The following RASIP1 variants were observed in gnomAD, a reference collection of about 807,000 sequenced individuals.
RASIP1 encodes the protein Ras interacting protein 1.
In RASIP1, 20 loss-of-function variants were observed where a neutral mutation model predicts 85.3. The ratio of observed to expected loss-of-function variants is 0.23; its 90% confidence interval spans 0.17 to 0.34. The LOEUF is 0.34. Ranked by LOEUF, RASIP1 falls within the 10% of genes least tolerant of loss-of-function variation. The pLI, the probability that RASIP1 is intolerant of heterozygous loss-of-function variation, is 1.00. For synonymous variants in RASIP1, 617 were observed against 647.1 expected (o/e 0.95, Z 0.71); for missense variants, 1,170 against 1,390.9 (o/e 0.84, Z 2.53).
At position 48,729,073 on chromosome 19, in the gene RASIP1, C is replaced by T. The variant is rs762141914; in HGVS notation, c.1697G>A (p.Gly566Asp). 4 of 1,380,518 alleles carry T rather than the reference C, an allele frequency of 2.9e-6. No individual in the cohort carries two copies. In the Middle Eastern group the frequency reaches 7.3e-4, roughly 254 times the overall value. 85.5% of individuals were successfully genotyped at this position (1,380,518 alleles called of 1,614,324 possible). The stretch of plus-strand genomic sequence containing the variant: ...CCCGAGGGGCGGCAGGTCTCCCGAG[C>T]CGGCGGCTGCGGCGCGCACGATCTC... The part of the protein sequence containing the change: ...LGEIVRAAAA[G>D]SGDLPPLGPA... Residue 566 changes from glycine (G) to aspartate (D), a missense_variant, in exon 5 of 12, where the codon GGC becomes GAC. Physicochemically the swap from Gly to Asp is moderately conservative, Grantham distance 94. Around this residue, in one of 4 missense-constraint regions of RASIP1, gnomAD observed 426 missense variants for 576.2 expected, o/e 0.74. Coordinates refer to ENST00000222145, the MANE Select transcript of RASIP1 (RefSeq NM_017805.3).
intron 11 of RASIP1, among the ~76,000 whole-genome samples, chr19:48,721,493 A>G (rs1439913025): frequency 6.6e-6 from 1 of 152,028 alleles, no homozygotes; most frequent in East Asian, 1.9e-4. Context: ...GAGACTGGGG[A>G]TCTGGACTCC....
At position 48,724,998 on chromosome 19, in the gene RASIP1, A is replaced by G; in HGVS notation, c.2128-38T>C. 2 of 1,598,720 alleles carry G rather than the reference A, an allele frequency of 1.3e-6. No homozygotes were observed. The highest frequency in any genetic ancestry group is 1.1e-5 in the South Asian group (1 of 90,074). ...AGAAGTGGAAACAAGTGATTGGACT[A>G]CAACTCCCAGGAAGCTTCAGGGTAA... On this transcript the variant is annotated intron_variant, in intron 8 of 11. Coordinates refer to ENST00000222145, the MANE Select transcript of RASIP1 (RefSeq NM_017805.3). The surrounding 1 kb of genome is among the most constrained non-coding windows in gnomAD (Gnocchi z 4.6).
intron 5 of RASIP1, 24 bp from the exon 6 acceptor site, chr19:48,727,454 C>T (rs1179652327): frequency 6.2e-7 from 1 of 1,611,896 alleles, no homozygotes; most frequent in Non-Finnish European, 8.5e-7. Context: ...AGATCAGAAT[C>T]AAGGTGAGGG....
In RASIP1 at chr19:48,738,979, GA is replaced by G; in HGVS notation, c.803del (p.Phe268SerfsTer102). On this transcript the variant is annotated frameshift_variant, in exon 3 of 12. Coordinates refer to ENST00000222145, the MANE Select transcript of RASIP1 (RefSeq NM_017805.3). LOFTEE classifies it high-confidence loss of function. This position sits in a 1 kb window ranked among gnomAD's most constrained non-coding sequence, Gnocchi z 4.0. ...GCTCACCTTCGCTGTCCGCGGCCCC[GA>G]AGGCCTCCTGCTCCAGGCGCCGCGC... ...EEARRLEQEA[F>X]GAADSEGTGA... is the part of the protein sequence containing the mutation. The G allele has an allele frequency of 8.7e-7, 1 of 1,143,938 alleles. No individual in the cohort carries two copies. 70.9% of individuals were successfully genotyped at this position (1,143,938 alleles called of 1,614,324 possible).
Position 48,725,042 on chromosome 19 carries a change from G to T in RASIP1, c.2128-82C>A, listed in dbSNP as rs533104945. 142 of 1,514,010 alleles carry T rather than the reference G, an allele frequency of 9.4e-5. No individual in the cohort carries two copies. In the African/African-American group the frequency reaches 1.8e-3, roughly 19 times the overall value. 93.8% of individuals were successfully genotyped at this position (1,514,010 alleles called of 1,614,324 possible). ...AGGGTAATAGAGCATGAAGATAGTG[G>T]GGAGCTCCACCAAAGTCTTCTGGGA... On this transcript the variant is annotated intron_variant, in intron 8 of 11. Transcript: ENST00000222145.
intron 6 of RASIP1, 34 bp downstream of exon 6, chr19:48,727,359 C>T (rs772673517): frequency 3.1e-6 from 5 of 1,609,494 alleles, no homozygotes; most frequent in Non-Finnish European, 4.3e-6. Flanking sequence ...ACCCCTGCAT[C>T]CCTCCAGACC....
chr19:48,725,792 A>C (rs772637951), intron 8 of RASIP1, among the ~76,000 whole-genome samples: 2 of 152,166 alleles, frequency 1.3e-5, no homozygotes, highest in African/African-American at 4.8e-5. Context: ...TTATCTATCT[A>C]TTATATATGA....
intron 3 of RASIP1, among the ~76,000 whole-genome samples, chr19:48,736,907 G>A (rs940706857): frequency 6.6e-6 from 1 of 152,044 alleles, no homozygotes. Flanking sequence ...CGTGGTAGTG[G>A]GCACCTGTAA....
rs770591605 is a variant in RASIP1 at position 48,735,502 on chromosome 19, C to T, written c.873G>A (p.Ala291=). 1.8e-5 allele frequency: 28 copies of T among 1,553,702 alleles called. No homozygotes were observed. Among genetic ancestry groups the T allele is most frequent in the Non-Finnish European group, 2.4e-5 (27 of 1,148,638 alleles). Residue 291 remains alanine, a synonymous_variant, in exon 4 of 12, where the codon GCG becomes GCA. Coordinates refer to ENST00000222145, the MANE Select transcript of RASIP1 (RefSeq NM_017805.3). ...GACTGGCCAGCGCTGCCCCACCCGA[C>T]GCCGCCCGGGAGCGGTTCTTCTGTG... ...WRPQKNRSRA[A]SGGAALASPG...
chr19:48,736,449 A>G (rs114568316), intron 3 of RASIP1, among the ~76,000 whole-genome samples: 268 of 152,274 alleles, frequency 1.8e-3, no homozygotes, highest in African/African-American at 6.1e-3. Flanking sequence ...TACCTACTAC[A>G]TGCTTAGAAC....
chr19:48,724,151 C>T lies in RASIP1; in HGVS notation c.2544+186G>A, dbSNP rs1391243504. On this transcript the variant is annotated intron_variant, in intron 10 of 11. Coordinates refer to ENST00000222145, the MANE Select transcript of RASIP1 (RefSeq NM_017805.3). The surrounding 1 kb of genome is among the most constrained non-coding windows in gnomAD (Gnocchi z 4.6). The stretch of plus-strand genomic sequence containing the variant: ...AGTTCCACCAGGATTCAGACACAGC[C>T]GAGTTTAGTCATTGTTGGTGCTGGC... Among the ~76,000 whole-genome samples the T allele has an allele frequency of 2.0e-5, 3 of 152,086 alleles. No individual in the cohort carries two copies. The highest frequency in any genetic ancestry group is 4.8e-5 in the African/African-American group (2 of 41,420).
chr19:48,738,961 T>C lies in RASIP1; in HGVS notation c.822A>G (p.Glu274=). Residue 274 remains glutamate (E), a splice_region_variant and synonymous_variant, in exon 3 of 12, where the codon GAA becomes GAG. Coordinates refer to ENST00000222145, the MANE Select transcript of RASIP1 (RefSeq NM_017805.3). The surrounding 1 kb of genome is among the most constrained non-coding windows in gnomAD (Gnocchi z 4.0). ...EQEAFGAADS[E]GTGAPSWRPQ... ...CCCAGAGCCCCGCCCGCCGCTCACC[T>C]TCGCTGTCCGCGGCCCCGAAGGCCT... is the stretch of plus-strand genomic sequence containing the variant. 2 of 1,043,112 alleles carry C rather than the reference T, an allele frequency of 1.9e-6. No individual in the cohort carries two copies. The highest frequency in any genetic ancestry group is 2.3e-6 in the Non-Finnish European group (2 of 875,602). The allele number at this position is 1,043,112 out of a possible 1,614,324, so 64.6% of individuals were successfully genotyped here.
At chr19:48,736,402 C>CA (rs990961631) in intron 3 of RASIP1, among the ~76,000 whole-genome samples, 16 of 152,032 alleles carry the variant, frequency 1.1e-4, no homozygotes, top group African/African-American at 3.6e-4. Flanking sequence ...GACTCCGTCT[C>CA]AAAAAACAAA....
At position 48,735,470 on chromosome 19, in the gene RASIP1, G is replaced by C; in HGVS notation, c.905C>G (p.Pro302Arg). The C allele has an allele frequency of 6.3e-7, 1 of 1,580,342 alleles. No homozygotes were observed. The highest frequency in any genetic ancestry group is 1.3e-5 in the African/African-American group (1 of 74,220). The change falls in exon 4 of 12, where the codon CCG becomes CGG. Residue 302 changes from proline to arginine, a missense_variant. Transcript: ENST00000222145. ...AGCTGGGGCCCCTGATCCGGTCCCC[G>C]GGCCAGGACTGGCCAGCGCTGCCCC... ...SGGAALASPGPGTGSGAPAGS... is the reference protein window; with the variant it reads ...SGGAALASPGRGTGSGAPAGS...
chr19:48,726,722 G>A, intron 8 of RASIP1, 63 bp downstream of exon 8: 1 of 1,260,766 alleles, frequency 7.9e-7, no homozygotes, highest in Non-Finnish European at 1.1e-6. Context: ...CAAACAGGAA[G>A]TGATATTACG....
chr19:48,739,713 G>A lies in RASIP1; in HGVS notation c.138-68C>T. The A allele has an allele frequency of 7.3e-7, 1 of 1,362,066 alleles. No homozygotes were observed. The highest frequency in any genetic ancestry group is 9.4e-7 in the Non-Finnish European group (1 of 1,058,948). 84.4% of individuals were successfully genotyped at this position (1,362,066 alleles called of 1,614,324 possible). ...GGACGACACGCCAAGACGGGGGTGGGGGCATATTAGGAGGGAAGTGGGCAG... is the reference window on the plus strand; with the variant it reads ...GGACGACACGCCAAGACGGGGGTGGAGGCATATTAGGAGGGAAGTGGGCAG... On this transcript the variant is annotated intron_variant, in intron 2 of 11. Coordinates refer to ENST00000222145, the MANE Select transcript of RASIP1 (RefSeq NM_017805.3). This position sits in a 1 kb window ranked among gnomAD's most constrained non-coding sequence, Gnocchi z 9.2.
chr19:48,724,747 C>A lies in RASIP1; in HGVS notation c.2341G>T (p.Ala781Ser). Residue 781 changes from alanine to serine, a missense_variant, in exon 9 of 12, where the codon GCA (alanine) becomes TCA (serine). By Grantham distance (99) the Ala-to-Ser change is moderately conservative. Transcript: ENST00000222145. This position sits in a 1 kb window ranked among gnomAD's most constrained non-coding sequence, Gnocchi z 4.6. ...TCCATCAGCGAGTTGAGAAGGGATG[C>A]GTTGGAGAAGAAGAACAAGTAGCCA... ...TFGYLFFFSN[A>S]SLLNSLMERG... is the part of the protein sequence containing the mutation. 5 of 1,614,134 alleles carry A rather than the reference C, an allele frequency of 3.1e-6. No homozygotes were observed. Among genetic ancestry groups the A allele is most frequent in the Non-Finnish European group, 4.2e-6 (5 of 1,180,040 alleles).
chr19:48,736,385 A>G (rs2033573645), intron 3 of RASIP1, among the ~76,000 whole-genome samples: 1 of 152,064 alleles, frequency 6.6e-6, no homozygotes, highest in Non-Finnish European at 1.5e-5. Context: ...CCTGGGCGAC[A>G]GAGCAAGACT....
intron 11 of RASIP1, 135 bp from the exon 12 acceptor site, chr19:48,721,132 T>C (rs3859439): frequency 0.53 from 389,804 of 734,886 alleles, 110,924 homozygotes; most frequent in Middle Eastern, 0.63. Context: ...GCGGGGTCCG[T>C]TCACACGCTA....
Sources: gnomAD v4.1 joint callset for allele counts (sites outside exome capture counted in the v4.1 genomes callset) on GRCh38, gnomAD v4.1.1 for gene constraint, gnomAD v4.1.1 regional missense constraint, Gnocchi (gnomAD v3.1) non-coding constraint, MANE v1.5 for transcripts, NCBI Gene and HGNC (gene_info 2026-07-23, HGNC 2026-07-21) for gene names.